The following ING1 variants were observed in gnomAD, a reference collection of about 807,000 sequenced individuals.
ING1 encodes inhibitor of growth family member 1.
In ING1, 4 loss-of-function variants were observed where a neutral mutation model predicts 23.1. The observed-to-expected ratio is 0.17, with a 90% CI of 0.09 to 0.40. The LOEUF is 0.40. ING1 is among the 10% of genes least tolerant of loss of function. The pLI is 1.00. For synonymous variants in ING1, 179 were observed against 166.4 expected (o/e 1.08, Z -0.58); for missense variants, 256 against 393.8 (o/e 0.65, Z 2.96).
rs1216845872 is a variant in ING1 at position 110,720,613 on chromosome 13, C to T, written c.*681C>T. ...AATTTATATCAGGTGTATAAATGTACATTTCCAAATGAACTTGCACTTGTT... is the reference window on the plus strand; with the variant it reads ...AATTTATATCAGGTGTATAAATGTATATTTCCAAATGAACTTGCACTTGTT... On this transcript the variant is annotated 3_prime_UTR_variant, in exon 2 of 2. Transcript: ENST00000333219. The T allele has an allele frequency of 6.0e-6, 1 of 167,042 alleles. No homozygotes were observed. The highest frequency in any genetic ancestry group is 1.5e-5 in the Non-Finnish European group (1 of 68,120). 10.3% of individuals were successfully genotyped at this position (167,042 alleles called of 1,614,324 possible).
chr13:110,713,473 C>T (rs1232216518), upstream of ING1: 4 of 989,454 alleles, frequency 4.0e-6, no homozygotes, highest in Non-Finnish European at 4.8e-6. Context: ...CGTCCACACC[C>T]CAGCGGCCCT....
At chr13:110,716,597 C>A (rs1297286104) in intron 1 of ING1, among the ~76,000 whole-genome samples, 1 of 152,168 alleles carries the variant, frequency 6.6e-6, no homozygotes, top group South Asian at 2.1e-4. Flanking sequence ...CAAACATTAT[C>A]ATAAAAATAC....
At chr13:110,715,139 C>T (rs750440940) in intron 1 of ING1, 77 of 1,132,882 alleles carry the variant, frequency 6.8e-5, no homozygotes, top group Non-Finnish European at 5.1e-5. Context: ...TTCGTGTCCG[C>T]CGGGAATTGT....
chr13:110,722,932 T>C lies in ING1; in HGVS notation c.*3000T>C, dbSNP rs2064180695. On this transcript the variant is annotated 3_prime_UTR_variant, in exon 2 of 2. Coordinates refer to ENST00000333219, the MANE Select transcript of ING1 (RefSeq NM_198219.3). Reference sequence around the variant, plus strand: ...AATCCCGACATGAGGACAAAAATGGTACTGAATTCTTTTTGAAAAATAGAT... The same window carrying C: ...AATCCCGACATGAGGACAAAAATGGCACTGAATTCTTTTTGAAAAATAGAT... 6.6e-6 allele frequency: 1 copy of C among 152,192 alleles called. No individual in the cohort carries two copies. Among genetic ancestry groups the C allele is most frequent in the Non-Finnish European group, 1.5e-5 (1 of 68,040 alleles). The allele number at this position is 152,192 out of a possible 1,614,324, so 9.4% of individuals were successfully genotyped here. A position where few individuals can be genotyped will look rare whatever the true frequency, so the allele number is the denominator to read the frequency against.
upstream of ING1, chr13:110,713,052 TC>T (rs1450844860): frequency 2.7e-6 from 4 of 1,466,844 alleles, no homozygotes; most frequent in East Asian, 7.5e-5. Context: ...CGCCGCCACT[TC>T]CGCCCGTGCC....
At chr13:110,716,421 A>C (rs1175558855) in intron 1 of ING1, among the ~76,000 whole-genome samples, 1 of 152,130 alleles carries the variant, frequency 6.6e-6, no homozygotes, top group African/African-American at 2.4e-5. Context: ...CTTCGGTGTA[A>C]ATGCTGAGCT....
Position 110,720,049 on chromosome 13 carries a change from G to C in ING1, c.*117G>C, listed in dbSNP as rs1464756017. 1.3e-6 allele frequency: 1 copy of C among 760,886 alleles called. No individual in the cohort carries two copies. The highest frequency in any genetic ancestry group is 2.9e-5 in the East Asian group (1 of 34,076). 47.1% of individuals were successfully genotyped at this position (760,886 alleles called of 1,614,324 possible). On this transcript the variant is annotated 3_prime_UTR_variant, in exon 2 of 2. Transcript: ENST00000333219. ...TATATTTTTAAAGAATGTTAGTAAA[G>C]GAACCATTCCTTTCATAGGGATGGC...
intron 1 of ING1, chr13:110,716,134 G>C: frequency 1.0e-6 from 1 of 975,948 alleles, no homozygotes; most frequent in South Asian, 2.3e-5. Flanking sequence ...GGAAGGCAGG[G>C]GCTGAGACCA....
intron 1 of ING1, chr13:110,715,119 A>G (rs746333810): frequency 2.2e-4 from 239 of 1,090,484 alleles, no homozygotes; most frequent in Non-Finnish European, 2.5e-4. Context: ...TGTCAGAGAG[A>G]GGTGGCGAGT....
intron 1 of ING1, chr13:110,715,026 C>T: frequency 1.0e-6 from 1 of 995,202 alleles, no homozygotes; most frequent in Non-Finnish European, 1.2e-6. Context: ...CTCGGGGGGG[C>T]GCGGGCAGAT....
At chr13:110,718,246 A>G (rs907524110) in intron 1 of ING1, among the ~76,000 whole-genome samples, 1 of 152,150 alleles carries the variant, frequency 6.6e-6, no homozygotes, top group Middle Eastern at 3.2e-3. Flanking sequence ...TAGTGCATTC[A>G]CTGCAGTTAA....
Position 110,723,298 on chromosome 13 carries a change from C to T in ING1, c.*3366C>T, listed in dbSNP as rs1029874886. The T allele has an allele frequency of 4.0e-5, 6 of 151,856 alleles. No individual in the cohort carries two copies. Among genetic ancestry groups the T allele is most frequent in the Non-Finnish European group, 8.8e-5 (6 of 67,998 alleles). 9.4% of individuals were successfully genotyped at this position (151,856 alleles called of 1,614,324 possible). On this transcript the variant is annotated 3_prime_UTR_variant, in exon 2 of 2. Coordinates refer to ENST00000333219, the MANE Select transcript of ING1 (RefSeq NM_198219.3). ...GAGTTGTCTCAATACTTGAGACTGT[C>T]GGTGGTTGCCAATGCTGAATAAAGC...
In ING1 at chr13:110,719,143, C is replaced by G. The variant is rs1298539742; in HGVS notation, c.137-86C>G. 1.5e-6 allele frequency: 2 copies of G among 1,345,844 alleles called. No homozygotes were observed. Among genetic ancestry groups the G allele is most frequent in the African/African-American group, 1.4e-5 (1 of 68,998 alleles). 83.4% of individuals were successfully genotyped at this position (1,345,844 alleles called of 1,614,324 possible). A position where few individuals can be genotyped will look rare whatever the true frequency, so the allele number is the denominator to read the frequency against. ...CGTGCGCTGGCCCCTAGGCTCCCTG[C>G]CAGCCCTCTCCGTAGACCCGTCCGG... On this transcript the variant is annotated intron_variant, in intron 1 of 1. Coordinates refer to ENST00000333219, the MANE Select transcript of ING1 (RefSeq NM_198219.3). This position sits in a 1 kb window ranked among gnomAD's most constrained non-coding sequence, Gnocchi z 8.9.
chr13:110,716,902 G>C (rs1300533855), intron 1 of ING1, among the ~76,000 whole-genome samples: 1 of 152,164 alleles, frequency 6.6e-6, no homozygotes, highest in African/African-American at 2.4e-5. Context: ...TGTACTTAGT[G>C]GCTTTGTTGA....
Position 110,720,742 on chromosome 13 carries a change from C to T in ING1, c.*810C>T, listed in dbSNP as rs962569274. 1.2e-5 allele frequency: 2 copies of T among 166,986 alleles called. No individual in the cohort carries two copies. Among genetic ancestry groups the T allele is most frequent in the South Asian group, 2.1e-4 (1 of 4,832 alleles). 10.3% of individuals were successfully genotyped at this position (166,986 alleles called of 1,614,324 possible). On this transcript the variant is annotated 3_prime_UTR_variant, in exon 2 of 2. Transcript: ENST00000333219. ...CTGTATGTGAGCTGTAAAAATGTTA[C>T]GTGAAGAAATAAATGAAACTTGGCC...
In ING1 at chr13:110,719,493, C is replaced by T. The variant is rs1192777571; in HGVS notation, c.401C>T (p.Pro134Leu). 1 of 1,612,290 alleles carries T rather than the reference C, an allele frequency of 6.2e-7. No individual in the cohort carries two copies. Among genetic ancestry groups the T allele is most frequent in the African/African-American group, 1.3e-5 (1 of 74,872 alleles). The change falls in exon 2 of 2, where the codon CCC (proline) becomes CTC (leucine). Residue 134 changes from proline (P) to leucine (L), a missense_variant. Around this residue, in one of 3 missense-constraint regions of ING1, gnomAD observed 209 missense variants for 273.8 expected, o/e 0.76. Coordinates refer to ENST00000333219, the MANE Select transcript of ING1 (RefSeq NM_198219.3). This position sits in a 1 kb window ranked among gnomAD's most constrained non-coding sequence, Gnocchi z 8.9. ...AGCGGCAAGGCTGGCGCGGACAGGC[C>T]CAAAGGCGAGGCGGCAGCGCAGGCT... ...GNSGKAGADRPKGEAAAQADK... is the reference protein window; with the variant it reads ...GNSGKAGADRLKGEAAAQADK...
chr13:110,714,960 G>A (rs1443627466), intron 1 of ING1: 3 of 976,986 alleles, frequency 3.1e-6, no homozygotes, highest in Non-Finnish European at 3.7e-6. Flanking sequence ...GTGTGCCGTA[G>A]GGAAGGGAAG....
At chr13:110,715,138 G>A in intron 1 of ING1, 1 of 1,127,096 alleles carries the variant, frequency 8.9e-7, no homozygotes, top group Non-Finnish European at 1.1e-6. Context: ...GTTCGTGTCC[G>A]CCGGGAATTG....
In ING1 at chr13:110,714,144, T is replaced by G; in HGVS notation, c.-6T>G. On this transcript the variant is annotated 5_prime_UTR_variant, in exon 1 of 2. Coordinates refer to ENST00000333219, the MANE Select transcript of ING1 (RefSeq NM_198219.3). ...GCCGAGTCGCCGGGGACCTCCGGGGTGAACCATGTTGAGTCCTGCCAACGG... is the reference window on the plus strand; with the variant it reads ...GCCGAGTCGCCGGGGACCTCCGGGGGGAACCATGTTGAGTCCTGCCAACGG... 1 of 1,527,900 alleles carries G rather than the reference T, an allele frequency of 6.5e-7. No individual in the cohort carries two copies. The highest frequency in any genetic ancestry group is 2.7e-5 in the East Asian group (1 of 37,310). The allele number at this position is 1,527,900 out of a possible 1,614,324, so 94.6% of individuals were successfully genotyped here.
Sources: allele counts gnomAD v4.1 joint callset (sites outside exome capture counted in the v4.1 genomes callset), GRCh38; gene constraint gnomAD v4.1.1; regional missense constraint gnomAD v4.1.1; non-coding constraint Gnocchi (gnomAD v3.1); transcripts MANE v1.5; gene names NCBI Gene and HGNC (gene_info 2026-07-23, HGNC 2026-07-21).